The following TOGARAM1 variants were observed in gnomAD, a reference collection of about 807,000 sequenced individuals.
TOGARAM1 encodes TOG array regulator of axonemal microtubules protein 1.
TOGARAM1 carries 100 observed loss-of-function variants against 166.6 expected under a neutral mutation model. That is an observed-to-expected ratio of 0.60 (90% CI 0.51 to 0.71). The LOEUF (loss-of-function observed/expected upper bound fraction) is 0.71, where lower values mean the gene tolerates loss of function less well. TOGARAM1 is among the 30% of genes least tolerant of loss of function. TOGARAM1 has a pLI of 0.00. For synonymous variants in TOGARAM1, 758 were observed against 763.8 expected, an observed-to-expected ratio of 0.99 and a Z score of 0.13; for missense variants, 2,029 against 2,102.7, an observed-to-expected ratio of 0.96 and a Z score of 0.69.
intron 2 of TOGARAM1, among the ~76,000 whole-genome samples, chr14:44,998,382 G>T (rs753345574): frequency 6.6e-6 from 1 of 152,256 alleles, no homozygotes; most frequent in Non-Finnish European, 1.5e-5. Context: ...TATTGAAGTG[G>T]TTTCAGAAAA....
intron 2 of TOGARAM1, chr14:44,997,454 T>A (rs957300694): frequency 1.4e-5 from 2 of 147,548 alleles, no homozygotes; most frequent in Admixed American, 1.4e-4. Context: ...TCTGATTATA[T>A]GTCAGCGGTA....
At chr14:45,049,675 T>A (rs1171482784) in intron 14 of TOGARAM1, among the ~76,000 whole-genome samples, 1 of 152,214 alleles carries the variant, frequency 6.6e-6, no homozygotes, top group Admixed American at 6.5e-5. Context: ...TGATATCTTA[T>A]TATATTCACA....
Position 45,043,903 on chromosome 14 carries a change from A to T in TOGARAM1, c.3918+112A>T, listed in dbSNP as rs1349731389. The T allele has an allele frequency of 6.5e-6, 4 of 616,232 alleles. No individual in the cohort carries two copies. The African/African-American group carries it at 7.5e-5, about 11-fold the overall frequency. The allele number at this position is 616,232 out of a possible 1,614,324, so 38.2% of individuals were successfully genotyped here. On this transcript the variant is annotated intron_variant, in intron 12 of 19. Coordinates refer to ENST00000361462, the MANE Select transcript of TOGARAM1 (RefSeq NM_001308120.2). ...ACAACTCTGTACCATATGATATAAA[A>T]GGCTTGTATTTAATTAAAGTAGTCC...
At chr14:45,043,841 AAATATG>A in intron 12 of TOGARAM1, 50 bp downstream of exon 12, 1 of 1,042,964 alleles carries the variant, frequency 9.6e-7, no homozygotes, top group East Asian at 2.4e-5. Context: ...AACAAAGGAT[AAATATG>A]CTATGTTTAT....
chr14:44,964,413 G>C lies in TOGARAM1; in HGVS notation c.1992G>C (p.Glu664Asp). 6.2e-7 allele frequency: 1 copy of C among 1,610,780 alleles called. No homozygotes were observed. Residue 664 changes from glutamate to aspartate, a missense_variant, in exon 1 of 20, where the codon GAG (glutamate) becomes GAC (aspartate). This residue lies in a region of TOGARAM1 where 1,453 missense variants were observed against 1,432.2 expected (regional missense o/e 1.01). Coordinates refer to ENST00000361462, the MANE Select transcript of TOGARAM1 (RefSeq NM_001308120.2). ...AAAATAAATTACCATGGGAAAATGA[G>C]CAACCTGGAATCATGGGAGAAAACC... ...KGKNKLPWEN[E>D]QPGIMGENQT...
intron 7 of TOGARAM1, among the ~76,000 whole-genome samples, chr14:45,018,503 C>T (rs1039534846): frequency 6.6e-6 from 1 of 152,172 alleles, no homozygotes; most frequent in Non-Finnish European, 1.5e-5. Context: ...CTTGGCATCC[C>T]AAAGTGCTGG....
intron 7 of TOGARAM1, among the ~76,000 whole-genome samples, chr14:45,019,339 T>G (rs761971167): frequency 6.6e-6 from 1 of 152,168 alleles, no homozygotes; most frequent in African/African-American, 2.4e-5. Context: ...TCATTCCTCT[T>G]AAATCCAGGC....
At chr14:44,999,592 C>A in intron 3 of TOGARAM1, 95 bp downstream of exon 3, 1 of 968,096 alleles carries the variant, frequency 1.0e-6, no homozygotes, top group Non-Finnish European at 1.4e-6. Context: ...TACTCATACT[C>A]ATCACAAAAA....
chr14:45,030,496 C>A (rs1566648327), intron 10 of TOGARAM1, among the ~76,000 whole-genome samples: 4 of 151,610 alleles, frequency 2.6e-5, no homozygotes, highest in African/African-American at 9.7e-5. Context: ...GATAATAGTG[C>A]TTTTTTTTAT....
chr14:45,064,627 C>G (rs1346620942), intron 16 of TOGARAM1, among the ~76,000 whole-genome samples: 3 of 152,072 alleles, frequency 2.0e-5, no homozygotes, highest in Non-Finnish European at 4.4e-5. Flanking sequence ...CATGCCACCC[C>G]TACCCTGTCA....
At chr14:45,005,052 G>A (rs1452134435) in intron 4 of TOGARAM1, among the ~76,000 whole-genome samples, 2 of 151,688 alleles carry the variant, frequency 1.3e-5, no homozygotes, top group Non-Finnish European at 2.9e-5. Context: ...AGTAGCTGGG[G>A]TTATAGGCAT....
Position 45,044,698 on chromosome 14 carries a change from T to TA in TOGARAM1, c.3983dup (p.Tyr1328Ter), listed in dbSNP as rs1450800067. 6.2e-7 allele frequency: 1 copy of TA among 1,614,106 alleles called. No homozygotes were observed. The highest frequency in any genetic ancestry group is 1.7e-5 in the Admixed American group (1 of 60,024). The change falls in exon 13 of 20, where the codon TAT (tyrosine) becomes TAAT (stop). Residue 1328 changes from tyrosine (Y) to a stop codon, truncating the protein, a stop_gained and frameshift_variant. Coordinates refer to ENST00000361462, the MANE Select transcript of TOGARAM1 (RefSeq NM_001308120.2). LOFTEE classifies it high-confidence loss of function. ...AVVCLSDLFT[Y>*]LKKSMDQELD... ...GGTCTGTTTAAGTGATCTTTTCACT[T>TA]ATTTGAAAAAGAGCATGGATCAAGA...
intron 6 of TOGARAM1, among the ~76,000 whole-genome samples, chr14:45,010,495 T>C (rs1879725634): frequency 6.6e-6 from 1 of 152,222 alleles, no homozygotes; most frequent in African/African-American, 2.4e-5. Flanking sequence ...TGTTCTATAA[T>C]CCTACAGTTG....
At chr14:45,043,583 C>T (rs1323761957) in intron 11 of TOGARAM1, 103 bp from the exon 12 acceptor site, 2 of 731,738 alleles carry the variant, frequency 2.7e-6, no homozygotes, top group Non-Finnish European at 2.4e-6. Flanking sequence ...CTTTCTGAAC[C>T]TCTTCCTTGG....
Position 44,962,431 on chromosome 14 carries a change from G to C in TOGARAM1, c.10G>C (p.Ala4Pro). 6.4e-7 allele frequency: 1 copy of C among 1,561,160 alleles called. No homozygotes were observed. The highest frequency in any genetic ancestry group is 8.7e-7 in the Non-Finnish European group (1 of 1,155,512). MAAAPSALLLLPPF... is the reference protein window; with the variant it reads MAAPPSALLLLPPF... Reference sequence around the variant, plus strand: ...CACCTGACAACCCTGCATGGCGGCTGCCCCCTCCGCGCTGCTTCTGCTGCC... The same window carrying C: ...CACCTGACAACCCTGCATGGCGGCTCCCCCCTCCGCGCTGCTTCTGCTGCC... Residue 4 changes from alanine to proline, a missense_variant, in exon 1 of 20, where the codon GCC becomes CCC. This residue lies in a region of TOGARAM1 where 1,453 missense variants were observed against 1,432.2 expected (regional missense o/e 1.01). Transcript: ENST00000361462.
intron 16 of TOGARAM1, among the ~76,000 whole-genome samples, chr14:45,058,815 T>C (rs1224670559): frequency 6.6e-6 from 1 of 152,162 alleles, no homozygotes; most frequent in African/African-American, 2.4e-5. Context: ...TTATAAATTA[T>C]TTGTTTCTTT....
At chr14:45,027,537 T>C in intron 9 of TOGARAM1, 63 bp downstream of exon 9, 2 of 1,283,550 alleles carry the variant, frequency 1.6e-6, no homozygotes, top group Non-Finnish European at 2.1e-6. Flanking sequence ...GTTTTGTGTA[T>C]ATCAGATGTG....
chr14:45,051,735 T>C (rs930506207), intron 14 of TOGARAM1, among the ~76,000 whole-genome samples: 2 of 151,830 alleles, frequency 1.3e-5, no homozygotes. Flanking sequence ...AATTTTTGTA[T>C]TTTTTTAGGA....
chr14:45,071,589 T>C (rs1014729534), intron 18 of TOGARAM1, 123 bp from the exon 19 acceptor site: 6 of 559,332 alleles, frequency 1.1e-5, no homozygotes, highest in African/African-American at 3.9e-5. Context: ...TATGTAGATT[T>C]TTAAAGTGTT....
Sources: gnomAD v4.1 joint callset for allele counts (sites outside exome capture counted in the v4.1 genomes callset) on GRCh38, gnomAD v4.1.1 for gene constraint, gnomAD v4.1.1 regional missense constraint, MANE v1.5 for transcripts, NCBI Gene and HGNC (gene_info 2026-07-23, HGNC 2026-07-21) for gene names.